The following CSMD2 variants were observed in gnomAD, a reference collection of about 807,000 sequenced individuals.
CSMD2 encodes CUB and Sushi multiple domains 2.
CSMD2 carries 130 observed loss-of-function variants against 398.5 expected under a neutral mutation model. The observed-to-expected ratio is 0.33, with a 90% CI of 0.28 to 0.38. The LOEUF is 0.38. Among genes scored for constraint, CSMD2 ranks in the 10% least tolerant of loss-of-function variants. The probability of loss-of-function intolerance (pLI) is 1.00; values close to 1 mark genes in which losing one functional copy is unlikely to be tolerated. For missense variants in CSMD2, 3,829 were observed against 4,764.9 expected (o/e 0.80, Z 5.78); for synonymous variants, 1,828 against 1,908.5 (o/e 0.96, Z 1.10).
intron 55 of CSMD2, among the ~76,000 whole-genome samples, chr1:33,555,606 A>G (rs1299037394): frequency 6.6e-6 from 1 of 152,224 alleles, no homozygotes; most frequent in African/African-American, 2.4e-5. Flanking sequence ...GTCTTATTTC[A>G]AGAAATTGCC....
rs573200986 is a variant in CSMD2 at position 33,857,501 on chromosome 1, C to T, written c.921-10505G>A. 7.2e-5 allele frequency among the ~76,000 whole-genome samples: 11 copies of T among 152,232 alleles called. No individual in the cohort carries two copies. The South Asian group carries it at 1.7e-3, about 23-fold the overall frequency. Reference sequence around the variant, plus strand: ...CTCAGATGCTACAAAGGCCCTCTCTCGGTGCCCCATCTCTGTTGTGCTCTG... The same window carrying T: ...CTCAGATGCTACAAAGGCCCTCTCTTGGTGCCCCATCTCTGTTGTGCTCTG... On this transcript the variant is annotated intron_variant, in intron 5 of 70. Coordinates refer to ENST00000373381, the MANE Select transcript of CSMD2 (RefSeq NM_001281956.2).
Position 33,519,398 on chromosome 1 carries a change from C to T in CSMD2, c.*53+67G>A, listed in dbSNP as rs1654043088. The T allele has an allele frequency of 1.0e-5, 10 of 970,478 alleles. No individual in the cohort carries two copies. Among genetic ancestry groups the T allele is most frequent in the South Asian group, 8.8e-5 (6 of 67,984 alleles). 60.1% of individuals were successfully genotyped at this position (970,478 alleles called of 1,614,324 possible). On this transcript the variant is annotated intron_variant, in intron 70 of 70. Coordinates refer to ENST00000373381, the MANE Select transcript of CSMD2 (RefSeq NM_001281956.2). This position sits in a 1 kb window ranked among gnomAD's most constrained non-coding sequence, Gnocchi z 5.6. ...GTGTGTGCGACTCCGTTGGGTGGAG[C>T]CCCTGGCACGCATAGGTCCCTGTCT... is the stretch of plus-strand genomic sequence containing the variant.
At chr1:33,851,410 A>C (rs1259351186) in intron 5 of CSMD2, among the ~76,000 whole-genome samples, 1 of 152,130 alleles carries the variant, frequency 6.6e-6, no homozygotes, top group Non-Finnish European at 1.5e-5. Flanking sequence ...TCTGCATCCC[A>C]GTACTAAGTA....
At chr1:33,604,259 G>A (rs973169604) in intron 42 of CSMD2, among the ~76,000 whole-genome samples, 5 of 152,208 alleles carry the variant, frequency 3.3e-5, no homozygotes, top group African/African-American at 4.8e-5. Flanking sequence ...CAACAATTGC[G>A]GAATGACCAA....
intron 25 of CSMD2, among the ~76,000 whole-genome samples, chr1:33,668,528 T>C (rs1474356271): frequency 1.3e-5 from 2 of 152,218 alleles, no homozygotes. Flanking sequence ...TCAGAGTCTA[T>C]AAATGCTAAT....
At chr1:33,654,205 G>A (rs776382306) in intron 27 of CSMD2, among the ~76,000 whole-genome samples, 1 of 152,282 alleles carries the variant, frequency 6.6e-6, no homozygotes, top group Middle Eastern at 3.4e-3. Context: ...CATCTATTAC[G>A]TATTAGACTT....
At chr1:33,968,405 T>C (rs1002002369) in intron 3 of CSMD2, among the ~76,000 whole-genome samples, 1 of 152,202 alleles carries the variant, frequency 6.6e-6, no homozygotes, top group African/African-American at 2.4e-5. Context: ...GAGTGAGGCC[T>C]GTGATTTGCC....
chr1:33,534,674 A>G (rs1273639196), intron 62 of CSMD2, among the ~76,000 whole-genome samples: 1 of 152,210 alleles, frequency 6.6e-6, no homozygotes, highest in Non-Finnish European at 1.5e-5. Context: ...TACCTACTGG[A>G]GCATGTGCAA....
intron 10 of CSMD2, among the ~76,000 whole-genome samples, chr1:33,793,615 T>C (rs900182008): frequency 2.0e-5 from 3 of 151,592 alleles, no homozygotes; most frequent in African/African-American, 7.3e-5. Context: ...AGCAGTAGAG[T>C]TTTAAATAGT....
rs1645579197 is a variant in CSMD2 at position 33,700,599 on chromosome 1, C to T, written c.3651G>A (p.Leu1217=). The T allele has an allele frequency of 6.2e-7, 1 of 1,614,068 alleles. No homozygotes were observed. The highest frequency in any genetic ancestry group is 1.7e-5 in the Admixed American group (1 of 60,006). Residue 1217 remains leucine, a synonymous_variant, in exon 23 of 71, where the codon TTG becomes TTA. Transcript: ENST00000373381. ...GCCACAGACTGCTGGATGTGCTGTT[C>T]AAAGTCACCCCCATCATCTCAGAAT... ...FSHSEMMGVT[L]NSTSSSLWLD... is the part of the protein sequence containing the mutation.
intron 13 of CSMD2, among the ~76,000 whole-genome samples, chr1:33,762,828 C>A (rs1649998860): frequency 6.6e-5 from 10 of 152,216 alleles, no homozygotes; most frequent in Admixed American, 6.5e-4. Flanking sequence ...ATGTTTGAAT[C>A]ATCTTCATCA....
chr1:33,552,243 G>T (rs1013852727), intron 55 of CSMD2, among the ~76,000 whole-genome samples: 1 of 152,186 alleles, frequency 6.6e-6, no homozygotes, highest in Admixed American at 6.5e-5. Context: ...TAATAAAAAT[G>T]ATGAACAATA....
intron 1 of CSMD2, among the ~76,000 whole-genome samples, chr1:34,108,729 A>G (rs887720423): frequency 4.6e-5 from 7 of 152,188 alleles, no homozygotes; most frequent in Admixed American, 2.0e-4. Flanking sequence ...TAGAAGAGAG[A>G]GCACTGCAGC....
chr1:33,823,394 T>TA (rs1332932701), intron 7 of CSMD2, among the ~76,000 whole-genome samples: 5 of 10,276 alleles, frequency 4.9e-4, no homozygotes, highest in Admixed American at 1.9e-3. Flanking sequence ...CTCCCTTTCT[T>TA]TTTTTTTTTT....
At chr1:33,802,657 G>T (rs995555157) in intron 10 of CSMD2, among the ~76,000 whole-genome samples, 3 of 152,100 alleles carry the variant, frequency 2.0e-5, no homozygotes, top group Non-Finnish European at 4.4e-5. Context: ...AGAGCAAGGG[G>T]ACACATGTCC....
At chr1:33,960,634 A>G (rs1570637393) in intron 3 of CSMD2, among the ~76,000 whole-genome samples, 1 of 152,158 alleles carries the variant, frequency 6.6e-6, no homozygotes, top group South Asian at 2.1e-4. Flanking sequence ...GCCAGGCACC[A>G]TGGAAGCCCA....
chr1:33,692,191 A>G (rs548307270), intron 25 of CSMD2, among the ~76,000 whole-genome samples: 2 of 152,356 alleles, frequency 1.3e-5, no homozygotes, highest in Admixed American at 6.5e-5. Context: ...TGTTCAGTAA[A>G]TGGTGATGGT....
intron 13 of CSMD2, among the ~76,000 whole-genome samples, chr1:33,758,555 T>C (rs1320564277): frequency 6.6e-6 from 1 of 152,192 alleles, no homozygotes; most frequent in African/African-American, 2.4e-5. Context: ...GAACTAGACA[T>C]ATACAGGTCT....
At chr1:33,728,638 G>T (rs1371481102) in intron 15 of CSMD2, among the ~76,000 whole-genome samples, 1 of 152,148 alleles carries the variant, frequency 6.6e-6, no homozygotes, top group East Asian at 1.9e-4. Flanking sequence ...CAAGACTTCT[G>T]TCTCTAAATC....
Sources: allele counts gnomAD v4.1 joint callset (sites outside exome capture counted in the v4.1 genomes callset), GRCh38; gene constraint gnomAD v4.1.1; non-coding constraint Gnocchi (gnomAD v3.1); transcripts MANE v1.5; gene names NCBI Gene and HGNC (gene_info 2026-07-23, HGNC 2026-07-21).